Variants in CPQ observed in about 807,000 individuals in gnomAD.
CPQ encodes carboxypeptidase Q.
CPQ carries 37 observed loss-of-function variants against 45.7 expected under a neutral mutation model. That is an observed-to-expected ratio of 0.81 (90% CI 0.62 to 1.07). CPQ has a LOEUF of 1.07. CPQ is among the 50% of genes least tolerant of loss of function. CPQ has a pLI of 0.00. For synonymous variants in CPQ, 186 were observed against 205.8 expected (o/e 0.90, Z 0.82); for missense variants, 537 against 572.9 (o/e 0.94, Z 0.64).
intron 4 of CPQ, among the ~76,000 whole-genome samples, chr8:96,955,232 T>G (rs1454279964): frequency 2.6e-5 from 4 of 152,312 alleles, no homozygotes; most frequent in Non-Finnish European, 5.9e-5. Context: ...AAAGTGTTCC[T>G]CTTTCTCCAC....
At chr8:96,970,130 T>C (rs1392288397) in intron 5 of CPQ, among the ~76,000 whole-genome samples, 1 of 152,166 alleles carries the variant, frequency 6.6e-6, no homozygotes, top group African/African-American at 2.4e-5. Flanking sequence ...CAAGACTGTC[T>C]TGGAAAAGCC....
intron 4 of CPQ, among the ~76,000 whole-genome samples, chr8:96,960,513 T>C (rs1403914315): frequency 1.3e-5 from 2 of 152,174 alleles, no homozygotes; most frequent in Non-Finnish European, 2.9e-5. Context: ...TGGAAGACTT[T>C]ATTTATCTAT....
At position 97,133,976 on chromosome 8, in the gene CPQ, A is replaced by C. The variant is rs565162656; in HGVS notation, c.1256-9044A>C. The stretch of plus-strand genomic sequence containing the variant: ...CTGAGTTCTACATAATAGTGTTTGG[A>C]TCTCAACTTGTATACTGCTATATGT... On this transcript the variant is annotated intron_variant, in intron 7 of 7. Transcript: ENST00000220763. 2.4e-4 allele frequency among the ~76,000 whole-genome samples: 37 copies of C among 152,300 alleles called. No individual in the cohort carries two copies. In the South Asian group the frequency reaches 4.6e-3, roughly 19 times the overall value.
chr8:96,740,414 A>G lies in CPQ; in HGVS notation c.-34-44450A>G, dbSNP rs541279999. Among the ~76,000 whole-genome samples the G allele has an allele frequency of 3.2e-3, 490 of 151,980 alleles. 7 individuals are homozygous for G. Among genetic ancestry groups the G allele is most frequent in the African/African-American group, 0.011 (465 of 41,330 alleles). On this transcript the variant is annotated intron_variant, in intron 1 of 7. Transcript: ENST00000220763. The stretch of plus-strand genomic sequence containing the variant: ...ACAATCATGTCATCTGCAAACAGGG[A>G]CAATTTGACTTCCTCTTTTCCTAAT...
chr8:96,660,657 G>GTGTA (rs1353690325), intron 1 of CPQ, among the ~76,000 whole-genome samples: 18 of 151,328 alleles, frequency 1.2e-4, no homozygotes, highest in African/African-American at 4.2e-4. Flanking sequence ...GTGTGTGTGT[G>GTGTA]TGTGTGTTTA....
chr8:96,826,891 G>C (rs1187262024), intron 2 of CPQ, among the ~76,000 whole-genome samples: 1 of 151,988 alleles, frequency 6.6e-6, no homozygotes, highest in African/African-American at 2.4e-5. Flanking sequence ...TTGATTTACT[G>C]TTTCTGCATT....
intron 3 of CPQ, among the ~76,000 whole-genome samples, chr8:96,867,222 A>G (rs189851562): frequency 6.6e-6 from 1 of 152,214 alleles, no homozygotes; most frequent in Non-Finnish European, 1.5e-5. Flanking sequence ...AGAAAAATTT[A>G]ATTTCTCAAT....
chr8:96,964,173 TACACAC>T (rs71267285), intron 4 of CPQ, among the ~76,000 whole-genome samples: 5,061 of 133,300 alleles, frequency 0.038, 160 homozygotes, highest in African/African-American at 0.084. Flanking sequence ...GGTTAAAGTA[TACACAC>T]ACACACACAC....
Position 96,687,085 on chromosome 8 carries a change from C to G in CPQ, c.-35+41683C>G, listed in dbSNP as rs538003637. Among the ~76,000 whole-genome samples, 24 of 152,066 alleles carry G rather than the reference C, an allele frequency of 1.6e-4. 1 individual carries two copies. The highest frequency in any genetic ancestry group is 5.8e-4 in the African/African-American group (24 of 41,520). On this transcript the variant is annotated intron_variant, in intron 1 of 7. Transcript: ENST00000220763. Reference sequence around the variant, plus strand: ...TTTTGGCGAGTTAAAGGTTTTGTTTCGTGTTATTTCTCCTCCTCCACCCAT... The same window carrying G: ...TTTTGGCGAGTTAAAGGTTTTGTTTGGTGTTATTTCTCCTCCTCCACCCAT...
intron 1 of CPQ, among the ~76,000 whole-genome samples, chr8:96,715,893 G>T (rs1311830402): frequency 2.6e-5 from 4 of 152,350 alleles, no homozygotes; most frequent in Non-Finnish European, 5.9e-5. Flanking sequence ...TGGTGCTAGG[G>T]AATGTCTGCA....
chr8:96,714,585 T>G (rs1163429620), intron 1 of CPQ, among the ~76,000 whole-genome samples: 2 of 152,146 alleles, frequency 1.3e-5, no homozygotes, highest in East Asian at 3.8e-4. Flanking sequence ...TATCTTTCTC[T>G]TATATCTCCT....
At chr8:96,730,201 A>T (rs1809892198) in intron 1 of CPQ, among the ~76,000 whole-genome samples, 1 of 152,232 alleles carries the variant, frequency 6.6e-6, no homozygotes, top group Non-Finnish European at 1.5e-5. Context: ...GCCAGGCCAT[A>T]GATAGCACAG....
intron 3 of CPQ, among the ~76,000 whole-genome samples, chr8:96,858,296 T>A (rs1811878298): frequency 6.6e-6 from 1 of 152,138 alleles, no homozygotes; most frequent in African/African-American, 2.4e-5. Context: ...TTCTTTTGGA[T>A]TATTCATTTT....
chr8:96,967,701 C>A (rs1813591976), intron 5 of CPQ, among the ~76,000 whole-genome samples: 1 of 152,134 alleles, frequency 6.6e-6, no homozygotes, highest in Admixed American at 6.5e-5. Flanking sequence ...ATGAATAGAA[C>A]TCTAAAATAA....
intron 1 of CPQ, among the ~76,000 whole-genome samples, chr8:96,725,756 T>C (rs1809828648): frequency 6.6e-6 from 1 of 152,054 alleles, no homozygotes; most frequent in Admixed American, 6.6e-5. Flanking sequence ...AGAAAATAAA[T>C]CATTTTACCA....
chr8:96,736,898 A>G (rs1809989739), intron 1 of CPQ, among the ~76,000 whole-genome samples: 1 of 152,136 alleles, frequency 6.6e-6, no homozygotes, highest in South Asian at 2.1e-4. Context: ...TATTTCACCT[A>G]AGGAATTTAG....
intron 6 of CPQ, among the ~76,000 whole-genome samples, chr8:97,039,927 G>A (rs1436543765): frequency 1.3e-5 from 2 of 151,858 alleles, no homozygotes; most frequent in African/African-American, 2.4e-5. Context: ...ATTGTGAATA[G>A]TGCCACAATA....
rs531500073 is a variant in CPQ at position 97,107,388 on chromosome 8, C to T, written c.1256-35632C>T. Among the ~76,000 whole-genome samples the T allele has an allele frequency of 1.1e-4, 16 of 152,368 alleles. No homozygotes were observed. The South Asian group carries it at 3.3e-3, about 32-fold the overall frequency. ...TGGCTTCCAAACCCCAGCACCATCC[C>T]ATACTCTGAAGGGTGTGCTTGTGAG... On this transcript the variant is annotated intron_variant, in intron 7 of 7. Transcript: ENST00000220763.
Position 96,838,401 on chromosome 8 carries a change from C to T in CPQ, c.641+3221C>T, listed in dbSNP as rs748734847. Among the ~76,000 whole-genome samples, 58 of 151,998 alleles carry T rather than the reference C, an allele frequency of 3.8e-4. 1 individual carries two copies. Among genetic ancestry groups the T allele is most frequent in the Admixed American group, 4.6e-4 (7 of 15,248 alleles). ...TGCAGAGTCTTCTGCATTCATCTGA[C>T]GCATAAGGGGATAGAGAGAGAAAGT... On this transcript the variant is annotated intron_variant, in intron 3 of 7. Coordinates refer to ENST00000220763, the MANE Select transcript of CPQ (RefSeq NM_016134.4).
Sources: gnomAD v4.1 joint callset for allele counts (sites outside exome capture counted in the v4.1 genomes callset) on GRCh38, gnomAD v4.1.1 for gene constraint, MANE v1.5 for transcripts, NCBI Gene and HGNC (gene_info 2026-07-23, HGNC 2026-07-21) for gene names.